Variants in KHNYN observed in about 807,000 individuals in gnomAD.
KHNYN encodes the protein KH and NYN domain containing, also known as protein KHNYN.
In KHNYN, 42 loss-of-function variants were observed where a neutral mutation model predicts 62.7. The observed-to-expected ratio is 0.67, with a 90% CI of 0.52 to 0.87. The LOEUF (loss-of-function observed/expected upper bound fraction) is 0.87, where lower values mean the gene tolerates loss of function less well. Among genes scored for constraint, KHNYN ranks in the 40% least tolerant of loss-of-function variants. The pLI is 0.00. For missense variants in KHNYN, 829 were observed against 874.1 expected (o/e 0.95, Z 0.65); for synonymous variants, 347 against 345.6 (o/e 1.00, Z -0.04).
chr14:24,430,286 C>A, intron 1 of KHNYN, 167 bp downstream of exon 1: 2 of 695,796 alleles, frequency 2.9e-6, no homozygotes, highest in Non-Finnish European at 3.5e-6. Flanking sequence ...CAGCGGACGG[C>A]TGGGGGAGGG....
rs2139407602 is a variant in KHNYN at position 24,440,357 on chromosome 14, G to T, written c.*3072G>T. On this transcript the variant is annotated 3_prime_UTR_variant, in exon 8 of 8. Coordinates refer to ENST00000553935, the MANE Select transcript of KHNYN (RefSeq NM_015299.3). ...CACGTGGTTTGCTTCAAGGGCATGG[G>T]TCAGGATTCCTGCCAGGTCCCCGAT... is the stretch of plus-strand genomic sequence containing the variant. 4 of 1,614,032 alleles carry T rather than the reference G, an allele frequency of 2.5e-6. No individual in the cohort carries two copies. The highest frequency in any genetic ancestry group is 3.4e-6 in the Non-Finnish European group (4 of 1,179,880).
At chr14:24,430,643 G>T in intron 1 of KHNYN, 71 bp from the exon 2 acceptor site, 4 of 1,514,032 alleles carry the variant, frequency 2.6e-6, no homozygotes, top group Non-Finnish European at 3.6e-6. Context: ...GTTGATAGCT[G>T]GTGTAGTCCC....
chr14:24,431,617 T>C lies in KHNYN; in HGVS notation c.356T>C (p.Leu119Pro), dbSNP rs1290975156. The C allele has an allele frequency of 6.2e-7, 1 of 1,613,580 alleles. No individual in the cohort carries two copies. The change falls in exon 3 of 8, where the codon CTG becomes CCG. Residue 119 changes from leucine to proline, a missense_variant. Leu to Pro is a moderately conservative substitution (Grantham distance 98, BLOSUM62 -3). Coordinates refer to ENST00000553935, the MANE Select transcript of KHNYN (RefSeq NM_015299.3). ...CTGGTGCCCAGGGCGCCAGGCTCACTGATGATCAGTGGCCTGACTGAAGCC... is the reference window on the plus strand; with the variant it reads ...CTGGTGCCCAGGGCGCCAGGCTCACCGATGATCAGTGGCCTGACTGAAGCC... ...AHLVPRAPGSLMISGLTEAFV... is the reference protein window; with the variant it reads ...AHLVPRAPGSPMISGLTEAFV...
Position 24,430,702 on chromosome 14 carries a change from C to T in KHNYN, c.-17-12C>T, listed in dbSNP as rs2043090650. On this transcript the variant is annotated splice_polypyrimidine_tract_variant and intron_variant, in intron 1 of 7. Coordinates refer to ENST00000553935, the MANE Select transcript of KHNYN (RefSeq NM_015299.3). ...GTACAATGAGGCTCTGAGCTGCCTTCTCCCCTTCCAGGGCTGGGGGCAGCA... is the reference window on the plus strand; with the variant it reads ...GTACAATGAGGCTCTGAGCTGCCTTTTCCCCTTCCAGGGCTGGGGGCAGCA... 6.4e-7 allele frequency: 1 copy of T among 1,551,318 alleles called. No individual in the cohort carries two copies. The highest frequency in any genetic ancestry group is 1.2e-5 in the South Asian group (1 of 84,078).
At chr14:24,434,073 T>C in intron 5 of KHNYN, 1 of 900,808 alleles carries the variant, frequency 1.1e-6, no homozygotes, top group African/African-American at 1.8e-5. Context: ...GTTTACGTTC[T>C]CCCAATGTTA....
At position 24,439,953 on chromosome 14, in the gene KHNYN, A is replaced by G. The variant is rs2043270025; in HGVS notation, c.*2668A>G. 1.3e-5 allele frequency: 9 copies of G among 712,176 alleles called. No homozygotes were observed. Among genetic ancestry groups the G allele is most frequent in the Non-Finnish European group, 2.0e-5 (9 of 440,406 alleles). The allele number at this position is 712,176 out of a possible 1,614,324, so 44.1% of individuals were successfully genotyped here. On this transcript the variant is annotated 3_prime_UTR_variant, in exon 8 of 8. Coordinates refer to ENST00000553935, the MANE Select transcript of KHNYN (RefSeq NM_015299.3). ...GACAATAAGGTGGAGCAACAGAACA[A>G]TGGGAAAGAGGACTGGGAGAGGAAT...
At chr14:24,433,312 A>C (rs571222652) in intron 5 of KHNYN, among the ~76,000 whole-genome samples, 37 of 152,360 alleles carry the variant, frequency 2.4e-4, no homozygotes, top group African/African-American at 7.7e-4. Context: ...ATACTGGTTT[A>C]GTGGAAAGGT....
At chr14:24,428,517 G>A, upstream of KHNYN, 2 of 1,234,364 alleles carry the variant, frequency 1.6e-6, no homozygotes, top group South Asian at 1.4e-5. Context: ...GTGGCAAGTA[G>A]GAGTGAATAG....
intron 5 of KHNYN, chr14:24,434,201 G>C (rs919848232): frequency 6.1e-6 from 6 of 985,326 alleles, no homozygotes; most frequent in Non-Finnish European, 6.0e-6. Flanking sequence ...TTAAAGGCAT[G>C]TGTCTGCCCA....
rs1164991748 is a variant in KHNYN, at chr14:24,440,416, G to C, written c.*3131G>C. 6.2e-7 allele frequency: 1 copy of C among 1,613,268 alleles called. No homozygotes were observed. Among genetic ancestry groups the C allele is most frequent in the East Asian group, 2.2e-5 (1 of 44,846 alleles). ...AGGGGAAGAATTGGTGGCCTGAGCC[G>C]ATGGGGCCCCCCAGGCCCAGGCGAA... On this transcript the variant is annotated 3_prime_UTR_variant, in exon 8 of 8. Transcript: ENST00000553935.
chr14:24,433,381 C>T (rs989885345), intron 5 of KHNYN, among the ~76,000 whole-genome samples: 2 of 152,178 alleles, frequency 1.3e-5, no homozygotes, highest in African/African-American at 4.8e-5. Flanking sequence ...AATTTCCAAA[C>T]ATGCAGAGAA....
At chr14:24,431,020 A>AGGG in intron 2 of KHNYN, 89 bp downstream of exon 2, 1 of 1,278,010 alleles carries the variant, frequency 7.8e-7, no homozygotes, top group Non-Finnish European at 1.1e-6. Flanking sequence ...AGCAGGGAAG[A>AGGG]GGAGGGGCCT....
chr14:24,428,335 T>C, upstream of KHNYN: 16 of 1,613,794 alleles, frequency 9.9e-6, no homozygotes, highest in Non-Finnish European at 1.3e-5. Context: ...CCGGAAGCTG[T>C]AGACACCCCG....
At chr14:24,427,991 G>A (rs2043038021), upstream of KHNYN, 4 of 1,611,852 alleles carry the variant, frequency 2.5e-6, no homozygotes, top group African/African-American at 2.7e-5. This position sits in a 1 kb window ranked among gnomAD's most constrained non-coding sequence, Gnocchi z 4.4. Context: ...GCTCACCTGG[G>A]GAGGGGAGCC....
rs2043236693 is a variant in KHNYN at position 24,438,110 on chromosome 14, A to G, written c.*825A>G. 1 of 152,586 alleles carries G rather than the reference A, an allele frequency of 6.6e-6. No homozygotes were observed. Among genetic ancestry groups the G allele is most frequent in the South Asian group, 2.1e-4 (1 of 4,828 alleles). 9.5% of individuals were successfully genotyped at this position (152,586 alleles called of 1,614,324 possible). On this transcript the variant is annotated 3_prime_UTR_variant, in exon 8 of 8. Transcript: ENST00000553935. ...CCCTATAATGGCTGCATCCCTTTTG[A>G]GCAACCTCCAAAATCTACATTTACA...
chr14:24,424,561 A>G (rs2043002395), upstream of KHNYN, among the ~76,000 whole-genome samples: 1 of 152,228 alleles, frequency 6.6e-6, no homozygotes. Flanking sequence ...ACCTTAAAAT[A>G]GGGAGATTAT....
chr14:24,431,573 C>T lies in KHNYN; in HGVS notation c.312C>T (p.Ala104=), dbSNP rs1227827099. The change falls in exon 3 of 8, where the codon GCC becomes GCT. Residue 104 remains alanine, a synonymous_variant. Transcript: ENST00000553935. ...AGGGCTTCTTCCTTGACTGCCTGGC[C>T]TGGAGCACGTCAGCCCATCTGGTGC... ...GAQGFFLDCL[A]WSTSAHLVPR... The T allele has an allele frequency of 6.2e-7, 1 of 1,613,336 alleles. No individual in the cohort carries two copies. Among genetic ancestry groups the T allele is most frequent in the African/African-American group, 1.3e-5 (1 of 75,062 alleles).
chr14:24,434,545 C>T (rs2043176254), intron 5 of KHNYN: 1 of 181,844 alleles, frequency 5.5e-6, no homozygotes, highest in Non-Finnish European at 1.1e-5. Flanking sequence ...GCTGGGACTT[C>T]AGGTGCATGC....
At chr14:24,435,131 A>T (rs971688521) in intron 5 of KHNYN, among the ~76,000 whole-genome samples, 7 of 152,202 alleles carry the variant, frequency 4.6e-5, no homozygotes, top group African/African-American at 4.8e-5. Flanking sequence ...GGCATTTTTT[A>T]AAAAAGTTCC....
Sources: gnomAD v4.1 joint callset for allele counts (sites outside exome capture counted in the v4.1 genomes callset) on GRCh38, gnomAD v4.1.1 for gene constraint, Gnocchi (gnomAD v3.1) non-coding constraint, MANE v1.5 for transcripts, NCBI Gene and HGNC (gene_info 2026-07-23, HGNC 2026-07-21) for gene names.